Variants in MLLT3 observed in about 807,000 individuals in gnomAD.
MLLT3 encodes the protein protein AF-9.
MLLT3 carries 4 observed loss-of-function variants against 53.2 expected under a neutral mutation model. The ratio of observed to expected loss-of-function variants is 0.08; its 90% confidence interval spans 0.04 to 0.17. MLLT3 has a LOEUF of 0.17. MLLT3 is among the 10% of genes least tolerant of loss of function. The probability of loss-of-function intolerance (pLI) is 1.00; values close to 1 mark genes in which losing one functional copy is unlikely to be tolerated. For synonymous variants in MLLT3, 283 were observed against 230.6 expected, an observed-to-expected ratio of 1.23 and a Z score of -2.06; for missense variants, 569 against 684.0, an observed-to-expected ratio of 0.83 and a Z score of 1.87.
chr9:20,465,181 A>G (rs188173930), intron 2 of MLLT3, among the ~76,000 whole-genome samples: 7 of 152,242 alleles, frequency 4.6e-5, no homozygotes, highest in Non-Finnish European at 1.0e-4. Flanking sequence ...CTATCTACAC[A>G]AGGGAGGGAA....
intron 2 of MLLT3, among the ~76,000 whole-genome samples, chr9:20,557,326 A>G (rs1402054551): frequency 6.6e-6 from 1 of 152,066 alleles, no homozygotes; most frequent in Non-Finnish European, 1.5e-5. Context: ...ATCTGCCTCT[A>G]CAATTTACTA....
intron 2 of MLLT3, among the ~76,000 whole-genome samples, chr9:20,501,785 A>C (rs914003518): frequency 8.7e-5 from 13 of 148,914 alleles, no homozygotes; most frequent in African/African-American, 3.2e-4. Flanking sequence ...AAAAAAAAAA[A>C]ACCGCACCCA....
At position 20,622,000 on chromosome 9, in the gene MLLT3, G is replaced by A; in HGVS notation, c.12+245C>T. 7.2e-7 allele frequency: 1 copy of A among 1,389,786 alleles called. No homozygotes were observed. The highest frequency in any genetic ancestry group is 1.5e-5 in the African/African-American group (1 of 66,126). 86.1% of individuals were successfully genotyped at this position (1,389,786 alleles called of 1,614,324 possible). ...AAGAGGCGAGGAGGGAGGGAGGCGC[G>A]GGGGGTGGAGGGGCGAGTGTGAGCG... is the stretch of plus-strand genomic sequence containing the variant. On this transcript the variant is annotated intron_variant, in intron 1 of 10. Transcript: ENST00000380338. The surrounding 1 kb of genome is among the most constrained non-coding windows in gnomAD (Gnocchi z 7.0).
chr9:20,566,233 G>T (rs1587076658), intron 2 of MLLT3, among the ~76,000 whole-genome samples: 1 of 151,272 alleles, frequency 6.6e-6, no homozygotes, highest in South Asian at 2.1e-4. Context: ...GAGGTCAGGA[G>T]TTTGAGACCA....
Position 20,622,292 on chromosome 9 carries a change from G to A in MLLT3, c.-36C>T, listed in dbSNP as rs375807996. ...CCGGAGGTTTGCTGGGGTGTTGTGTGGTACCCCCCCCTCCTCCGCCCCCCC... is the reference window on the plus strand; with the variant it reads ...CCGGAGGTTTGCTGGGGTGTTGTGTAGTACCCCCCCCTCCTCCGCCCCCCC... On this transcript the variant is annotated 5_prime_UTR_variant, in exon 1 of 11. Coordinates refer to ENST00000380338, the MANE Select transcript of MLLT3 (RefSeq NM_004529.4). The A allele has an allele frequency of 2.7e-5, 42 of 1,546,024 alleles. 1 individual carries two copies. The highest frequency in any genetic ancestry group is 1.8e-4 in the South Asian group (15 of 83,064).
At chr9:20,482,699 A>C (rs1319666741) in intron 2 of MLLT3, among the ~76,000 whole-genome samples, 3 of 152,236 alleles carry the variant, frequency 2.0e-5, no homozygotes, top group Non-Finnish European at 2.9e-5. Context: ...AGAGTGAATA[A>C]TACTAAGATA....
At chr9:20,469,976 G>C (rs542217620) in intron 2 of MLLT3, among the ~76,000 whole-genome samples, 4 of 151,860 alleles carry the variant, frequency 2.6e-5, no homozygotes, top group Non-Finnish European at 5.9e-5. Flanking sequence ...ATGAATTTTG[G>C]TAAAAGCCTT....
At chr9:20,612,547 A>C (rs1436708139) in intron 2 of MLLT3, among the ~76,000 whole-genome samples, 2 of 152,210 alleles carry the variant, frequency 1.3e-5, no homozygotes, top group Admixed American at 1.3e-4. Flanking sequence ...AGATAAAAGA[A>C]AAAAATGAGG....
At chr9:20,467,041 A>G (rs1451765121) in intron 2 of MLLT3, among the ~76,000 whole-genome samples, 1 of 152,234 alleles carries the variant, frequency 6.6e-6, no homozygotes, top group Non-Finnish European at 1.5e-5. Context: ...ACAGTAGAGC[A>G]ACTGAATTAG....
intron 5 of MLLT3, among the ~76,000 whole-genome samples, chr9:20,406,152 C>A (rs1331849291): frequency 6.6e-6 from 1 of 151,824 alleles, no homozygotes; most frequent in African/African-American, 2.4e-5. Context: ...TTCTCCTGTA[C>A]CCCCAGCAGC....
intron 2 of MLLT3, among the ~76,000 whole-genome samples, chr9:20,495,016 A>T (rs1192354105): frequency 6.6e-6 from 1 of 152,144 alleles, no homozygotes; most frequent in Non-Finnish European, 1.5e-5. Context: ...AAAAAATGTA[A>T]TACATTTACA....
intron 2 of MLLT3, among the ~76,000 whole-genome samples, chr9:20,573,337 G>C (rs1287738328): frequency 4.6e-5 from 7 of 151,968 alleles, no homozygotes; most frequent in African/African-American, 1.7e-4. Flanking sequence ...ATGCCACTGT[G>C]CCTGGCTAAT....
intron 3 of MLLT3, among the ~76,000 whole-genome samples, chr9:20,451,222 G>A (rs2118851513): frequency 6.6e-6 from 1 of 152,226 alleles, no homozygotes; most frequent in African/African-American, 2.4e-5. Context: ...GCAAATACAT[G>A]GAGGGAAATC....
intron 4 of MLLT3, among the ~76,000 whole-genome samples, chr9:20,435,520 A>T (rs1249128224): frequency 6.6e-6 from 1 of 152,186 alleles, no homozygotes; most frequent in African/African-American, 2.4e-5. Flanking sequence ...GTAGGTACTC[A>T]AATACTTCAA....
chr9:20,390,870 C>A (rs7029624), intron 5 of MLLT3, among the ~76,000 whole-genome samples: 15,439 of 152,130 alleles, frequency 0.1, 1,728 homozygotes, highest in African/African-American at 0.27. Flanking sequence ...CCCAGCTACT[C>A]GGGAGGCGGA....
rs1274263026 is a variant in MLLT3, at chr9:20,621,227, C to T, written c.13-393G>A. On this transcript the variant is annotated intron_variant, in intron 1 of 10. Coordinates refer to ENST00000380338, the MANE Select transcript of MLLT3 (RefSeq NM_004529.4). This position sits in a 1 kb window ranked among gnomAD's most constrained non-coding sequence, Gnocchi z 7.0. ...GGCGTGGGAGGGGAGGTGGCTGGGA[C>T]CCAGGGGGACCGAAGGGCTCCTGGC... Among the ~76,000 whole-genome samples, 1 of 152,156 alleles carries T rather than the reference C, an allele frequency of 6.6e-6. No homozygotes were observed. The highest frequency in any genetic ancestry group is 1.5e-5 in the Non-Finnish European group (1 of 68,018).
intron 2 of MLLT3, among the ~76,000 whole-genome samples, chr9:20,466,664 C>T (rs2118880049): frequency 6.6e-6 from 1 of 152,240 alleles, no homozygotes; most frequent in South Asian, 2.1e-4. Flanking sequence ...TACAAAATAC[C>T]TTCTGATTAT....
intron 2 of MLLT3, among the ~76,000 whole-genome samples, chr9:20,585,882 G>C (rs1487599275): frequency 6.6e-6 from 1 of 152,152 alleles, no homozygotes; most frequent in Non-Finnish European, 1.5e-5. Flanking sequence ...ACACTAAACA[G>C]ACTGCTATAA....
At chr9:20,353,412 G>A (rs762330508) in intron 10 of MLLT3, 113 bp downstream of exon 10, 57 of 866,358 alleles carry the variant, frequency 6.6e-5, no homozygotes, top group Admixed American at 9.2e-5. Flanking sequence ...GGTGGCATTC[G>A]CCAGGTTCTG....
Sources: allele counts gnomAD v4.1 joint callset (sites outside exome capture counted in the v4.1 genomes callset), GRCh38; gene constraint gnomAD v4.1.1; non-coding constraint Gnocchi (gnomAD v3.1); transcripts MANE v1.5; gene names NCBI Gene and HGNC (gene_info 2026-07-23, HGNC 2026-07-21).